Variants in THSD7B observed in about 807,000 individuals in gnomAD.
The protein encoded by THSD7B is thrombospondin type-1 domain-containing protein 7B.
A neutral mutation model predicts 213.6 loss-of-function variants in THSD7B; 138 were observed. The observed-to-expected ratio is 0.65, with a 90% confidence interval of 0.56 to 0.74. THSD7B has a LOEUF of 0.74. Among genes scored for constraint, THSD7B ranks in the 30% least tolerant of loss-of-function variants. THSD7B has a pLI of 0.00. For missense variants in THSD7B, 1,931 were observed against 1,991.5 expected, an observed-to-expected ratio of 0.97 and a Z score of 0.58; for synonymous variants, 742 against 687.0, an observed-to-expected ratio of 1.08 and a Z score of -1.25.
intron 7 of THSD7B, among the ~76,000 whole-genome samples, chr2:137,225,032 A>G (rs28494190): frequency 0.41 from 62,546 of 151,838 alleles, 13,019 homozygotes; most frequent in Middle Eastern, 0.5. Context: ...CCTTTGCTCT[A>G]TGTTCTCTTT....
chr2:137,100,278 C>T (rs1688124663), intron 4 of THSD7B, among the ~76,000 whole-genome samples: 2 of 152,170 alleles, frequency 1.3e-5, no homozygotes, highest in South Asian at 4.1e-4. Context: ...TGTTCAAAAC[C>T]TGCTTTGGCC....
intron 2 of THSD7B, among the ~76,000 whole-genome samples, chr2:136,970,494 TGAAAAA>T (rs1685388265): frequency 6.7e-6 from 1 of 149,206 alleles, no homozygotes; most frequent in African/African-American, 2.5e-5. Context: ...AATAAATAAA[TGAAAAA>T]GAAAAAGAAG....
chr2:137,185,193 T>C (rs1048119205), intron 7 of THSD7B, among the ~76,000 whole-genome samples: 1 of 151,870 alleles, frequency 6.6e-6, no homozygotes, highest in African/African-American at 2.4e-5. Context: ...AAGAAAAAAA[T>C]TTGTGTGGAG....
At chr2:137,539,126 T>A (rs1179907922) in intron 15 of THSD7B, among the ~76,000 whole-genome samples, 1 of 151,788 alleles carries the variant, frequency 6.6e-6, no homozygotes, top group African/African-American at 2.4e-5. Context: ...ACCCCAATTC[T>A]TACTTGAAAT....
chr2:136,815,438 C>T (rs1367370781), intron 1 of THSD7B, among the ~76,000 whole-genome samples: 1 of 152,166 alleles, frequency 6.6e-6, no homozygotes, highest in Non-Finnish European at 1.5e-5. Context: ...ATACCCAGAT[C>T]ACCTATCAGC....
At chr2:137,317,653 G>C (rs1684154742) in intron 12 of THSD7B, among the ~76,000 whole-genome samples, 1 of 152,146 alleles carries the variant, frequency 6.6e-6, no homozygotes, top group South Asian at 2.1e-4. Context: ...ATATAATTAT[G>C]CCTATAATCC....
chr2:136,873,626 G>A (rs1347452100), intron 1 of THSD7B, among the ~76,000 whole-genome samples: 1 of 152,188 alleles, frequency 6.6e-6, no homozygotes, highest in African/African-American at 2.4e-5. Flanking sequence ...CTATTTTGCT[G>A]CAGGGCAGGA....
At chr2:137,080,056 G>C (rs990476250) in intron 3 of THSD7B, among the ~76,000 whole-genome samples, 1 of 152,016 alleles carries the variant, frequency 6.6e-6, no homozygotes, top group Non-Finnish European at 1.5e-5. Context: ...TGGCCAGGCT[G>C]GTCTCAAACT....
At chr2:137,312,148 T>G (rs1367085184) in intron 12 of THSD7B, among the ~76,000 whole-genome samples, 5 of 152,048 alleles carry the variant, frequency 3.3e-5, no homozygotes, top group East Asian at 1.9e-4. Flanking sequence ...GACTCTTTTT[T>G]GTTGGTAAGC....
intron 11 of THSD7B, among the ~76,000 whole-genome samples, chr2:137,274,082 A>C (rs1390564066): frequency 1.3e-5 from 2 of 152,010 alleles, no homozygotes; most frequent in Non-Finnish European, 2.9e-5. Flanking sequence ...CACGTTCCCC[A>C]AAAATCAGTT....
At chr2:137,294,248 G>T (rs535112683) in intron 12 of THSD7B, among the ~76,000 whole-genome samples, 2 of 151,926 alleles carry the variant, frequency 1.3e-5, no homozygotes, top group Admixed American at 6.6e-5. Flanking sequence ...TTTTGTTTTC[G>T]ATAATTTCAG....
chr2:136,966,359 A>C (rs1325207105), intron 2 of THSD7B, among the ~76,000 whole-genome samples: 1 of 152,074 alleles, frequency 6.6e-6, no homozygotes, highest in African/African-American at 2.4e-5. Flanking sequence ...CTAGGACTAC[A>C]GGTGCACACC....
intron 17 of THSD7B, among the ~76,000 whole-genome samples, chr2:137,603,759 A>G (rs1321954926): frequency 6.6e-6 from 1 of 152,198 alleles, no homozygotes; most frequent in East Asian, 1.9e-4. Context: ...TACTTTTTAG[A>G]ATATCAAATA....
intron 5 of THSD7B, among the ~76,000 whole-genome samples, chr2:137,150,608 T>G (rs1288481343): frequency 6.6e-6 from 1 of 152,202 alleles, no homozygotes; most frequent in East Asian, 1.9e-4. Flanking sequence ...CCTGAACAAC[T>G]GTGAGTTAAT....
chr2:137,557,910 T>C (rs1211291076), intron 15 of THSD7B, among the ~76,000 whole-genome samples: 3 of 152,102 alleles, frequency 2.0e-5, no homozygotes, highest in African/African-American at 7.2e-5. Flanking sequence ...AAATACAAAC[T>C]ACCAACAGAG....
At chr2:136,815,673 C>T (rs967482608) in intron 1 of THSD7B, among the ~76,000 whole-genome samples, 1 of 152,048 alleles carries the variant, frequency 6.6e-6, no homozygotes. Context: ...TAACAGACAA[C>T]ATAAATGTTG....
intron 12 of THSD7B, among the ~76,000 whole-genome samples, chr2:137,350,066 T>G (rs1684973119): frequency 6.6e-6 from 1 of 151,868 alleles, no homozygotes; most frequent in African/African-American, 2.4e-5. Flanking sequence ...ATAAATGTAC[T>G]ATTCATTAAC....
At chr2:137,429,316 T>A (rs1687124220) in intron 14 of THSD7B, among the ~76,000 whole-genome samples, 2 of 152,210 alleles carry the variant, frequency 1.3e-5, no homozygotes, top group South Asian at 4.1e-4. Context: ...GTGAATTATA[T>A]CTCAGTAAAG....
chr2:136,857,446 C>T (rs1448251387), intron 1 of THSD7B, among the ~76,000 whole-genome samples: 1 of 152,186 alleles, frequency 6.6e-6, no homozygotes, highest in East Asian at 1.9e-4. Context: ...CCCTAACTGC[C>T]AAAGTGTTAA....
Sources: allele counts gnomAD v4.1 joint callset (sites outside exome capture counted in the v4.1 genomes callset), GRCh38; gene constraint gnomAD v4.1.1; transcripts MANE v1.5; gene names NCBI Gene and HGNC (gene_info 2026-07-23, HGNC 2026-07-21).